Variants in B3GALT1 observed in about 807,000 individuals in gnomAD.
B3GALT1 encodes the protein UDP-Gal:betaGlcNAc beta 1,3-galactosyltransferase, polypeptide 1.
Under a neutral mutation model 23.2 loss-of-function variants are expected in B3GALT1, and 10 were observed. That is an observed-to-expected ratio of 0.43 (90% confidence interval 0.27 to 0.73). The LOEUF (loss-of-function observed/expected upper bound fraction) is 0.73. B3GALT1 is among the 30% of genes least tolerant of loss of function. B3GALT1 has a pLI of 0.21. For synonymous variants in B3GALT1, 156 were observed against 141.5 expected, an observed-to-expected ratio of 1.10 and a Z score of -0.73; for missense variants, 299 against 405.4, an observed-to-expected ratio of 0.74 and a Z score of 2.25.
intron 2 of B3GALT1, among the ~76,000 whole-genome samples, chr2:167,556,803 G>A (rs1683860932): frequency 6.6e-6 from 1 of 152,292 alleles, no homozygotes; most frequent in South Asian, 2.1e-4. Context: ...TCTCATTTAA[G>A]AAAAATTGTC....
rs569294076 is a variant in B3GALT1 at position 167,424,812 on chromosome 2, A to G, written c.-510-65365A>G. ...TAACAATCATAGAAGACTTACATAT[A>G]CTACACCTGATTTCCAGCAGCAGAC... is the stretch of plus-strand genomic sequence containing the variant. On this transcript the variant is annotated intron_variant, in intron 1 of 4. Transcript: ENST00000392690. Among the ~76,000 whole-genome samples, 239 of 152,350 alleles carry G rather than the reference A, an allele frequency of 1.6e-3. 1 individual carries two copies. Among genetic ancestry groups the G allele is most frequent in the African/African-American group, 5.6e-3 (234 of 41,584 alleles).
At chr2:167,389,017 T>C (rs1697975278) in intron 1 of B3GALT1, among the ~76,000 whole-genome samples, 1 of 152,210 alleles carries the variant, frequency 6.6e-6, no homozygotes, top group Non-Finnish European at 1.5e-5. Flanking sequence ...ATCTTTTTTT[T>C]CCTTTTAAAT....
chr2:167,499,303 T>C (rs1451893846), intron 2 of B3GALT1, among the ~76,000 whole-genome samples: 1 of 152,150 alleles, frequency 6.6e-6, no homozygotes, highest in Non-Finnish European at 1.5e-5. Context: ...TTATATTCTG[T>C]GATAAAAATC....
At chr2:167,687,934 G>A (rs371484630) in intron 3 of B3GALT1, among the ~76,000 whole-genome samples, 37 of 151,946 alleles carry the variant, frequency 2.4e-4, no homozygotes, top group Admixed American at 1.2e-3. Flanking sequence ...AATAGAAATC[G>A]TCCAAATTTT....
intron 1 of B3GALT1, among the ~76,000 whole-genome samples, chr2:167,387,075 A>C (rs914369128): frequency 6.6e-6 from 1 of 152,116 alleles, no homozygotes; most frequent in African/African-American, 2.4e-5. Context: ...TGTTAGAACC[A>C]GGGAGTCTTC....
In B3GALT1 at chr2:167,512,646, A is replaced by T. The variant is rs1348471376; in HGVS notation, c.-410+22369A>T. Among the ~76,000 whole-genome samples, 524 of 132,304 alleles carry T rather than the reference A, an allele frequency of 4.0e-3. 10 individuals are homozygous for T. The highest frequency in any genetic ancestry group is 0.012 in the Middle Eastern group (3 of 258). The allele number at this position is 132,304 out of a possible 152,430, so 86.8% of individuals were successfully genotyped here. On this transcript the variant is annotated intron_variant, in intron 2 of 4. Coordinates refer to ENST00000392690, the MANE Select transcript of B3GALT1 (RefSeq NM_020981.4). ...CGTGTATATATATATACATATATAT[A>T]TATATTTTGAGATAGGGTCTCATTC...
intron 3 of B3GALT1, among the ~76,000 whole-genome samples, chr2:167,719,136 G>T (rs1163443118): frequency 6.6e-6 from 1 of 152,140 alleles, no homozygotes; most frequent in African/African-American, 2.4e-5. Flanking sequence ...GGCATATTCA[G>T]CTTGACTACC....
chr2:167,328,305 C>A (rs971515397), intron 1 of B3GALT1, among the ~76,000 whole-genome samples: 1 of 152,070 alleles, frequency 6.6e-6, no homozygotes, highest in Non-Finnish European at 1.5e-5. Flanking sequence ...GGTGTTAGTT[C>A]ATCTTTATAC....
intron 1 of B3GALT1, among the ~76,000 whole-genome samples, chr2:167,365,585 T>TACACACACACACACACAC (rs10683932): frequency 7.1e-6 from 1 of 140,396 alleles, no homozygotes; most frequent in Non-Finnish European, 1.6e-5. Flanking sequence ...GAGATACAAA[T>TACACACACACACACACAC]ACACACACAC....
intron 2 of B3GALT1, among the ~76,000 whole-genome samples, chr2:167,631,010 G>GT (rs1415506540): frequency 1.8e-5 from 2 of 110,746 alleles, no homozygotes; most frequent in Non-Finnish European, 1.7e-5. Flanking sequence ...AGGATTGGGG[G>GT]TAAAAAAAAG....
At chr2:167,667,911 G>T (rs546214869) in intron 3 of B3GALT1, among the ~76,000 whole-genome samples, 1 of 152,198 alleles carries the variant, frequency 6.6e-6, no homozygotes, top group Non-Finnish European at 1.5e-5. Context: ...CCATAGCTCA[G>T]AGTAATTTGA....
At chr2:167,542,156 A>G (rs899692687) in intron 2 of B3GALT1, among the ~76,000 whole-genome samples, 6 of 152,040 alleles carry the variant, frequency 3.9e-5, no homozygotes, top group Admixed American at 6.6e-5. Flanking sequence ...TGTTTCACTT[A>G]TCTTGTATAA....
At chr2:167,540,944 C>T (rs1683524656) in intron 2 of B3GALT1, among the ~76,000 whole-genome samples, 1 of 152,118 alleles carries the variant, frequency 6.6e-6, no homozygotes, top group South Asian at 2.1e-4. Flanking sequence ...ATAAATCAAT[C>T]ATTAAAACAA....
At position 167,510,991 on chromosome 2, in the gene B3GALT1, AAAG is replaced by A. The variant is rs1221844969; in HGVS notation, c.-410+20716_-410+20718del. Among the ~76,000 whole-genome samples, 3 of 151,858 alleles carry A rather than the reference AAAG, an allele frequency of 2.0e-5. No homozygotes were observed. The East Asian group carries it at 5.8e-4, about 29-fold the overall frequency. ...AATAGCAATATTAGAATCAATAAAA[AAAG>A]AGAAAGTAAAATATTAATCATGATC... On this transcript the variant is annotated intron_variant, in intron 2 of 4. Coordinates refer to ENST00000392690, the MANE Select transcript of B3GALT1 (RefSeq NM_020981.4).
intron 1 of B3GALT1, among the ~76,000 whole-genome samples, chr2:167,373,598 A>G (rs1697717833): frequency 6.6e-6 from 1 of 152,222 alleles, no homozygotes; most frequent in African/African-American, 2.4e-5. Context: ...TTATGAAAAG[A>G]GGAGCTTAAT....
intron 1 of B3GALT1, among the ~76,000 whole-genome samples, chr2:167,379,765 T>C (rs1574055775): frequency 6.6e-6 from 1 of 152,202 alleles, no homozygotes; most frequent in Non-Finnish European, 1.5e-5. Flanking sequence ...GGTCCACCTA[T>C]AGGTCCCCCA....
chr2:167,749,839 T>C (rs1254447148), intron 3 of B3GALT1, among the ~76,000 whole-genome samples: 1 of 152,250 alleles, frequency 6.6e-6, no homozygotes, highest in Non-Finnish European at 1.5e-5. Context: ...TTATGTTTAA[T>C]AAGCTTTGCT....
rs886212438 is a variant in B3GALT1, at chr2:167,443,358, A to G, written c.-510-46819A>G. Among the ~76,000 whole-genome samples the G allele has an allele frequency of 1.1e-4, 17 of 152,120 alleles. No homozygotes were observed. The South Asian group carries it at 1.2e-3, about 11-fold the overall frequency. On this transcript the variant is annotated intron_variant, in intron 1 of 4. Transcript: ENST00000392690. ...GCTTAGGATTGACTTGGCAATGCGG[A>G]CTCTTTTTTGGTTCCATATGAACTT...
chr2:167,677,401 T>TA (rs1356660718), intron 3 of B3GALT1, among the ~76,000 whole-genome samples: 2 of 152,234 alleles, frequency 1.3e-5, no homozygotes, highest in African/African-American at 4.8e-5. Context: ...ATAAAAGAGA[T>TA]AAAAGCAGTT....
Sources: gnomAD v4.1 joint callset for allele counts (sites outside exome capture counted in the v4.1 genomes callset) on GRCh38, gnomAD v4.1.1 for gene constraint, MANE v1.5 for transcripts, NCBI Gene and HGNC (gene_info 2026-07-23, HGNC 2026-07-21) for gene names.